Variants in IL1RAPL2 observed in about 807,000 individuals in gnomAD.
The protein encoded by IL1RAPL2 is interleukin 1 receptor accessory protein like 2, also known as X-linked interleukin-1 receptor accessory protein-like 2.
Under a neutral mutation model 44.1 loss-of-function variants are expected in IL1RAPL2, and 3 were observed. The observed-to-expected ratio is 0.07, with a 90% CI of 0.03 to 0.18. The LOEUF is 0.18. Ranked by LOEUF, IL1RAPL2 falls within the 10% of genes least tolerant of loss-of-function variation. The pLI, the probability that IL1RAPL2 is intolerant of heterozygous loss-of-function variation, is 1.00. For missense variants in IL1RAPL2, 391 were observed against 496.4 expected, an observed-to-expected ratio of 0.79 and a Z score of 2.02; for synonymous variants, 181 against 178.8, an observed-to-expected ratio of 1.01 and a Z score of -0.10.
chrX:104,777,277 C>T (rs1038614713), intron 2 of IL1RAPL2, among the ~76,000 whole-genome samples: 16 of 110,656 alleles, frequency 1.4e-4, no homozygotes, highest in Non-Finnish European at 2.5e-4. Context: ...ACTCTAGGTA[C>T]GTCATATAAG....
rs370783724 is a variant in IL1RAPL2 at position 105,003,521 on chromosome X, G to A, written c.83-191954G>A. Among the ~76,000 whole-genome samples the A allele has an allele frequency of 1.6e-4, 18 of 110,571 alleles. No individual in the cohort carries two copies. The East Asian group carries it at 1.7e-3, about 11-fold the overall frequency. ...GTGCATGTGCATGCCTCCCCCTCCC[G>A]AAACCGAGGGTTATAGAAAGATAAT... On this transcript the variant is annotated intron_variant, in intron 2 of 10. Transcript: ENST00000372582.
At position 104,691,072 on chromosome X, in the gene IL1RAPL2, A is replaced by G. The variant is rs770206929; in HGVS notation, c.82+32077A>G. Among the ~76,000 whole-genome samples, 7 of 112,009 alleles carry G rather than the reference A, an allele frequency of 6.2e-5. No homozygotes were observed. In the East Asian group the frequency reaches 2.0e-3, roughly 32 times the overall value. On this transcript the variant is annotated intron_variant, in intron 2 of 10. Coordinates refer to ENST00000372582, the MANE Select transcript of IL1RAPL2 (RefSeq NM_017416.2). ...TTTGGCTCTTTTGAATATTTCCCCA[A>G]CCAAGATCATCGGTAGATTGTAAGA... is the stretch of plus-strand genomic sequence containing the variant.
At chrX:105,532,588 ATG>A (rs1464504286) in intron 6 of IL1RAPL2, among the ~76,000 whole-genome samples, 5 of 110,711 alleles carry the variant, frequency 4.5e-5, no homozygotes, top group African/African-American at 1.3e-4. Flanking sequence ...CATTTTTTAA[ATG>A]TATGTATTTA....
chrX:104,848,721 A>G (rs981219174), intron 2 of IL1RAPL2, among the ~76,000 whole-genome samples: 59 of 108,746 alleles, frequency 5.4e-4, no homozygotes, highest in African/African-American at 1.7e-3. Context: ...TGAGCTGTCT[A>G]TCATATATCA....
intron 5 of IL1RAPL2, among the ~76,000 whole-genome samples, chrX:105,408,291 C>T (rs767503770): frequency 9.0e-6 from 1 of 111,479 alleles, no homozygotes; most frequent in Admixed American, 9.5e-5. Flanking sequence ...GTCATTATCT[C>T]TCTGCAGCAG....
chrX:105,323,056 T>C (rs2034908058), intron 5 of IL1RAPL2, among the ~76,000 whole-genome samples: 1 of 112,031 alleles, frequency 8.9e-6, no homozygotes, highest in Admixed American at 9.5e-5. Context: ...ACCCAAATCC[T>C]ATTAAGAACC....
At chrX:105,665,739 T>TG (rs1569463221) in intron 6 of IL1RAPL2, among the ~76,000 whole-genome samples, 1 of 88,088 alleles carries the variant, frequency 1.1e-5, no homozygotes, top group African/African-American at 4.9e-5. Flanking sequence ...TTTTTGTTTT[T>TG]TTGTTTTTTT....
chrX:104,936,896 G>A (rs763362800), intron 2 of IL1RAPL2, among the ~76,000 whole-genome samples: 1 of 111,209 alleles, frequency 9.0e-6, no homozygotes, highest in African/African-American at 3.3e-5. Flanking sequence ...ATGAGCCACC[G>A]CACCCAACCT....
chrX:105,712,564 G>A (rs1486570921), intron 6 of IL1RAPL2, among the ~76,000 whole-genome samples: 2 of 111,384 alleles, frequency 1.8e-5, no homozygotes, highest in African/African-American at 6.5e-5. Context: ...GGTGGCAGGA[G>A]ATAGAGAGTG....
intron 2 of IL1RAPL2, among the ~76,000 whole-genome samples, chrX:105,137,650 T>TA (rs1428285250): frequency 3.6e-5 from 4 of 112,363 alleles, no homozygotes; most frequent in Non-Finnish European, 1.9e-5. Context: ...CTTCATTTTT[T>TA]AAAAATTTGT....
intron 5 of IL1RAPL2, among the ~76,000 whole-genome samples, chrX:105,391,583 G>A (rs960747295): frequency 9.1e-5 from 9 of 99,421 alleles, no homozygotes; most frequent in Admixed American, 3.4e-4. Context: ...GGAAGTCAGT[G>A]TGGCGATTCC....
intron 2 of IL1RAPL2, among the ~76,000 whole-genome samples, chrX:104,948,600 C>G (rs1925465616): frequency 1.8e-5 from 2 of 110,755 alleles, no homozygotes; most frequent in African/African-American, 6.6e-5. Context: ...CCATCAATAC[C>G]TAATTTCTTG....
intron 5 of IL1RAPL2, among the ~76,000 whole-genome samples, chrX:105,319,206 C>A (rs1445158714): frequency 1.8e-5 from 2 of 111,702 alleles, no homozygotes; most frequent in Non-Finnish European, 1.9e-5. Context: ...CCAGGTTGAC[C>A]CACAGCTTAT....
At chrX:104,709,080 T>G (rs2095098713) in intron 2 of IL1RAPL2, among the ~76,000 whole-genome samples, 1 of 111,174 alleles carries the variant, frequency 9.0e-6, no homozygotes, top group Non-Finnish European at 1.9e-5. Flanking sequence ...TGCTTAAGAA[T>G]GTATCTCTGG....
At chrX:105,685,104 A>G (rs1354985093) in intron 6 of IL1RAPL2, among the ~76,000 whole-genome samples, 2 of 112,308 alleles carry the variant, frequency 1.8e-5, no homozygotes, top group African/African-American at 3.2e-5. Context: ...GGGAGAAACC[A>G]GAGGAGAAAA....
At chrX:105,342,012 AC>A (rs1377670455) in intron 5 of IL1RAPL2, among the ~76,000 whole-genome samples, 1 of 109,764 alleles carries the variant, frequency 9.1e-6, no homozygotes, top group Non-Finnish European at 1.9e-5. Context: ...CTTTGCAGGG[AC>A]ATGGATGAAG....
At chrX:105,715,863 C>T (rs1252134009) in intron 6 of IL1RAPL2, among the ~76,000 whole-genome samples, 1 of 111,590 alleles carries the variant, frequency 9.0e-6, no homozygotes, top group Non-Finnish European at 1.9e-5. Context: ...TTAAGAGAAA[C>T]TGGAACTCTA....
At chrX:104,640,372 C>G (rs1929908883) in intron 1 of IL1RAPL2, among the ~76,000 whole-genome samples, 2 of 111,530 alleles carry the variant, frequency 1.8e-5, no homozygotes, top group South Asian at 7.4e-4. Flanking sequence ...TGGTAAAGTT[C>G]TCATTCATAT....
intron 6 of IL1RAPL2, among the ~76,000 whole-genome samples, chrX:105,590,850 T>A (rs2037165634): frequency 1.0e-5 from 1 of 96,183 alleles, no homozygotes; most frequent in African/African-American, 4.7e-5. Context: ...TGTGTGTGTT[T>A]GTGTGTGTTT....
Sources: allele counts gnomAD v4.1 joint callset (sites outside exome capture counted in the v4.1 genomes callset), GRCh38; gene constraint gnomAD v4.1.1; transcripts MANE v1.5; gene names NCBI Gene and HGNC (gene_info 2026-07-23, HGNC 2026-07-21).